Variants in POLI observed in about 807,000 individuals in gnomAD.
POLI encodes the protein DNA polymerase iota, also known as RAD30 homolog B.
POLI carries 58 observed loss-of-function variants against 51.6 expected under a neutral mutation model. The observed-to-expected ratio is 1.12, with a 90% CI of 0.91 to 1.40. The LOEUF is 1.40. POLI is among the 40% of genes most tolerant of loss of function. The pLI, the probability that POLI is intolerant of heterozygous loss-of-function variation, is 0.00. For missense variants in POLI, 921 were observed against 871.3 expected (o/e 1.06, Z -0.72); for synonymous variants, 322 against 299.7 (o/e 1.07, Z -0.77).
downstream of POLI, among the ~76,000 whole-genome samples, chr18:54,300,141 TGAG>T (rs1464813414): frequency 1.3e-5 from 2 of 152,004 alleles, no homozygotes; most frequent in Non-Finnish European, 2.9e-5. Flanking sequence ...CACACAGAAA[TGAG>T]GAGCACCAGA....
Position 54,297,455 on chromosome 18 carries a change from T to C in POLI, c.*2988T>C. 6.1e-6 allele frequency: 6 copies of C among 981,394 alleles called. No individual in the cohort carries two copies. Among genetic ancestry groups the C allele is most frequent in the Non-Finnish European group, 6.1e-6 (5 of 826,296 alleles). The allele number at this position is 981,394 out of a possible 1,614,324, so 60.8% of individuals were successfully genotyped here. A position where few individuals can be genotyped will look rare whatever the true frequency, so the allele number is the denominator to read the frequency against. On this transcript the variant is annotated 3_prime_UTR_variant, in exon 10 of 10. Transcript: ENST00000579534. ...ACCAGCAATGAATTAAGAGGTCTCT[T>C]TTCTCCAAGATCTAGTGTTTTGTAC...
chr18:54,287,167 T>A (rs2087784765), intron 7 of POLI, 114 bp from the exon 8 acceptor site: 1 of 640,480 alleles, frequency 1.6e-6, no homozygotes, highest in Non-Finnish European at 2.7e-6. Flanking sequence ...ATCTGCTATA[T>A]GTATAATTGT....
At chr18:54,316,780 G>A (rs990194078) in intron 3 of POLI, among the ~76,000 whole-genome samples, 2 of 152,114 alleles carry the variant, frequency 1.3e-5, no homozygotes, top group Non-Finnish European at 2.9e-5. Context: ...ATAGTACATT[G>A]GAAAACAAAA....
At chr18:54,286,574 G>C (rs2087757010) in intron 7 of POLI, among the ~76,000 whole-genome samples, 1 of 151,824 alleles carries the variant, frequency 6.6e-6, no homozygotes, top group Non-Finnish European at 1.5e-5. Flanking sequence ...TTTGAAAAAA[G>C]TTCTTTTGTT....
At chr18:54,303,324 A>T (rs2088524628) in intron 3 of POLI, among the ~76,000 whole-genome samples, 1 of 152,168 alleles carries the variant, frequency 6.6e-6, no homozygotes, top group South Asian at 2.1e-4. Flanking sequence ...AATGGTAGAA[A>T]ACTCAATTCT....
Position 54,292,037 on chromosome 18 carries a change from T to G in POLI, c.1403T>G (p.Phe468Cys), listed in dbSNP as rs780687003. 2 of 1,580,416 alleles carry G rather than the reference T, an allele frequency of 1.3e-6. No individual in the cohort carries two copies. Among genetic ancestry groups the G allele is most frequent in the Middle Eastern group, 4.1e-4 (2 of 4,850 alleles). Residue 468 changes from phenylalanine (F) to cysteine (C), a missense_variant and splice_region_variant, in exon 9 of 10, where the codon TTT becomes TGT. Coordinates refer to ENST00000579534, the MANE Select transcript of POLI (RefSeq NM_007195.3). Reference sequence around the variant, plus strand: ...ACTTCACGCTCTGGCAAGCACAGTTTTGTAAGTACACTCTTTTTTGTTCAG... The same window carrying G: ...ACTTCACGCTCTGGCAAGCACAGTTGTGTAAGTACACTCTTTTTTGTTCAG... ...STTSRSGKHS[F>C]KMKDTHMEDF... is the part of the protein sequence containing the mutation.
intron 6 of POLI, 164 bp from the exon 7 acceptor site, chr18:54,283,758 G>T (rs1334857810): frequency 1.6e-5 from 7 of 440,730 alleles, no homozygotes; most frequent in Non-Finnish European, 2.9e-5. Context: ...ACAATAGCTT[G>T]CAGATAAAAA....
chr18:54,297,384 T>C lies in POLI; in HGVS notation c.*2917T>C. ...TCTTGAGTGTATAGTGTAGAGGGGG[T>C]TTCTGTCTTGAGTGTAGGCCTGGAG... is the stretch of plus-strand genomic sequence containing the variant. On this transcript the variant is annotated 3_prime_UTR_variant, in exon 10 of 10. Transcript: ENST00000579534. 1.0e-6 allele frequency: 1 copy of C among 983,336 alleles called. No homozygotes were observed. The highest frequency in any genetic ancestry group is 1.2e-6 in the Non-Finnish European group (1 of 828,606). 60.9% of individuals were successfully genotyped at this position (983,336 alleles called of 1,614,324 possible).
At position 54,295,370 on chromosome 18, in the gene POLI, T is replaced by C. The variant is rs1256063969; in HGVS notation, c.*903T>C. On this transcript the variant is annotated 3_prime_UTR_variant, in exon 10 of 10. Coordinates refer to ENST00000579534, the MANE Select transcript of POLI (RefSeq NM_007195.3). ...TTGGTGGATGTCCTCTTTCTCCCAT[T>C]GTTATTGCCTTCCTCTTTTGCCTGC... 3.0e-6 allele frequency: 3 copies of C among 984,308 alleles called. No homozygotes were observed. The highest frequency in any genetic ancestry group is 3.6e-6 in the Non-Finnish European group (3 of 829,008). 61.0% of individuals were successfully genotyped at this position (984,308 alleles called of 1,614,324 possible).
intron 3 of POLI, among the ~76,000 whole-genome samples, chr18:54,316,604 G>A (rs1047765009): frequency 1.3e-5 from 2 of 152,114 alleles, no homozygotes; most frequent in Non-Finnish European, 2.9e-5. Flanking sequence ...ATAAAAGTTG[G>A]TACATAAAAG....
intron 3 of POLI, among the ~76,000 whole-genome samples, chr18:54,307,899 C>A (rs1245241446): frequency 1.5e-5 from 2 of 132,922 alleles, no homozygotes; most frequent in Non-Finnish European, 1.6e-5. Context: ...ACTAGGATTT[C>A]AACCCCTGTT....
intron 3 of POLI, among the ~76,000 whole-genome samples, chr18:54,309,120 C>T (rs1403034439): frequency 6.6e-6 from 1 of 152,198 alleles, no homozygotes; most frequent in African/African-American, 2.4e-5. Context: ...CAGCTTTGTT[C>T]CATTGCTGGC....
In POLI at chr18:54,320,345, AG is replaced by A. The variant is rs2088776772; in HGVS notation, c.409del (p.Gly137ValfsTer53). Reference sequence around the variant, plus strand: ...CTGGAAGACAAACTTGTGAAGCTAGAGGGTGTTTTTACTAAACACTAAAGGA... The same window carrying A: ...CTGGAAGACAAACTTGTGAAGCTAGAGGTGTTTTTACTAAACACTAAAGGA... On this transcript the variant is annotated frameshift_variant, in exon 4 of 5. Coordinates refer to the POLI transcript ENST00000579823. LOFTEE classifies it high-confidence loss of function. 1 of 152,186 alleles carries A rather than the reference AG, an allele frequency of 6.6e-6. No homozygotes were observed. Among genetic ancestry groups the A allele is most frequent in the Non-Finnish European group, 1.5e-5 (1 of 68,034 alleles). The allele number at this position is 152,186 out of a possible 1,614,324, so 9.4% of individuals were successfully genotyped here. A position where few individuals can be genotyped will look rare whatever the true frequency, so the allele number is the denominator to read the frequency against.
intron 3 of POLI, among the ~76,000 whole-genome samples, chr18:54,314,017 G>A (rs1168175812): frequency 6.6e-6 from 1 of 152,158 alleles, no homozygotes; most frequent in Non-Finnish European, 1.5e-5. Context: ...GGGCATCCTT[G>A]CCTTGTTCTG....
intron 3 of POLI, among the ~76,000 whole-genome samples, chr18:54,315,433 A>G (rs532668262): frequency 2.6e-4 from 39 of 152,166 alleles, no homozygotes; most frequent in African/African-American, 7.9e-4. Context: ...AAGAATGTAT[A>G]TTCTGTGGTT....
intron 3 of POLI, among the ~76,000 whole-genome samples, chr18:54,307,506 A>G (rs933386320): frequency 1.3e-5 from 2 of 152,118 alleles, no homozygotes; most frequent in African/African-American, 4.8e-5. Flanking sequence ...ACCTCCAACT[A>G]TGTGGTCAGT....
chr18:54,278,251 C>T (rs980569834), intron 4 of POLI, among the ~76,000 whole-genome samples: 1 of 152,130 alleles, frequency 6.6e-6, no homozygotes, highest in Non-Finnish European at 1.5e-5. Context: ...TGCTTGAACC[C>T]AGGAGTTTGA....
chr18:54,299,040 C>T (rs184976012), downstream of POLI, among the ~76,000 whole-genome samples: 1 of 152,150 alleles, frequency 6.6e-6, no homozygotes, highest in South Asian at 2.1e-4. Flanking sequence ...ACATTTAATA[C>T]ATCTATGAAA....
Position 54,297,627 on chromosome 18 carries a change from G to T in POLI, c.*3160G>T, listed in dbSNP as rs1379944916. 2.0e-6 allele frequency: 2 copies of T among 980,790 alleles called. No individual in the cohort carries two copies. Among genetic ancestry groups the T allele is most frequent in the African/African-American group, 3.5e-5 (2 of 57,062 alleles). The allele number at this position is 980,790 out of a possible 1,614,324, so 60.8% of individuals were successfully genotyped here. A position where few individuals can be genotyped will look rare whatever the true frequency, so the allele number is the denominator to read the frequency against. ...CTTTATCTCTCCTCCTATCTTTTGGGATCAGTTGGGTTTTCTATTTAATCA... is the reference window on the plus strand; with the variant it reads ...CTTTATCTCTCCTCCTATCTTTTGGTATCAGTTGGGTTTTCTATTTAATCA... On this transcript the variant is annotated 3_prime_UTR_variant, in exon 10 of 10. Transcript: ENST00000579534.
Sources: allele counts gnomAD v4.1 joint callset (sites outside exome capture counted in the v4.1 genomes callset), GRCh38; gene constraint gnomAD v4.1.1; transcripts MANE v1.5; gene names NCBI Gene and HGNC (gene_info 2026-07-23, HGNC 2026-07-21).